The following JAZF1 variants were observed in gnomAD, a reference collection of about 807,000 sequenced individuals.
JAZF1 encodes juxtaposed with another zinc finger protein 1.
Under a neutral mutation model 26.4 loss-of-function variants are expected in JAZF1, and 8 were observed. The ratio of observed to expected loss-of-function variants is 0.30; its 90% CI spans 0.18 to 0.55. The LOEUF is 0.55. Among genes scored for constraint, JAZF1 ranks in the 20% least tolerant of loss-of-function variants. The pLI is 0.94. For synonymous variants in JAZF1, 126 were observed against 122.3 expected (o/e 1.03, Z -0.20); for missense variants, 199 against 322.0 (o/e 0.62, Z 2.92).
chr7:28,054,713 T>C (rs1783670456), intron 1 of JAZF1, among the ~76,000 whole-genome samples: 1 of 152,058 alleles, frequency 6.6e-6, no homozygotes, highest in South Asian at 2.1e-4. Context: ...TGTATCCCAC[T>C]TAAAAAGTTA....
At chr7:28,123,284 C>T (rs1463205545) in intron 1 of JAZF1, among the ~76,000 whole-genome samples, 2 of 151,914 alleles carry the variant, frequency 1.3e-5, no homozygotes, top group East Asian at 3.8e-4. Flanking sequence ...AAGTAAGTCT[C>T]ATCTTCTTCA....
chr7:28,057,931 G>GT (rs1583535780), intron 1 of JAZF1, among the ~76,000 whole-genome samples: 2 of 152,228 alleles, frequency 1.3e-5, no homozygotes, highest in East Asian at 3.9e-4. Flanking sequence ...ATGTAAAAAA[G>GT]TTTTTTCCAC....
intron 1 of JAZF1, among the ~76,000 whole-genome samples, chr7:28,088,506 G>A (rs1784243280): frequency 1.3e-5 from 2 of 152,306 alleles, no homozygotes; most frequent in African/African-American, 2.4e-5. Flanking sequence ...CTAATTACAT[G>A]AGAAAACCTC....
chr7:27,870,407 C>T (rs1050716373), intron 3 of JAZF1, among the ~76,000 whole-genome samples: 1 of 152,114 alleles, frequency 6.6e-6, no homozygotes, highest in African/African-American at 2.4e-5. Flanking sequence ...CTTTAAGTTC[C>T]AAGTGGGCTG....
chr7:28,075,171 C>T (rs560541327), intron 1 of JAZF1, among the ~76,000 whole-genome samples: 5 of 152,258 alleles, frequency 3.3e-5, no homozygotes, highest in Admixed American at 2.6e-4. Flanking sequence ...TGTGCATCCT[C>T]GGGTATAAAG....
At chr7:28,116,168 A>T (rs1409995104) in intron 1 of JAZF1, among the ~76,000 whole-genome samples, 1 of 152,220 alleles carries the variant, frequency 6.6e-6, no homozygotes, top group African/African-American at 2.4e-5. Context: ...TAATTGCCAA[A>T]GCCAGACTGC....
intron 1 of JAZF1, among the ~76,000 whole-genome samples, chr7:28,076,391 C>T (rs1231192340): frequency 6.6e-6 from 1 of 152,120 alleles, no homozygotes; most frequent in Non-Finnish European, 1.5e-5. Context: ...AATTTAAAAA[C>T]ATATACCACC....
At chr7:28,087,384 G>A (rs1359444466) in intron 1 of JAZF1, among the ~76,000 whole-genome samples, 1 of 151,944 alleles carries the variant, frequency 6.6e-6, no homozygotes, top group African/African-American at 2.4e-5. Flanking sequence ...GCCTCTGAAT[G>A]AGAACAGTCC....
intron 1 of JAZF1, among the ~76,000 whole-genome samples, chr7:28,156,362 G>C (rs1232569754): frequency 6.6e-6 from 1 of 152,190 alleles, no homozygotes; most frequent in Non-Finnish European, 1.5e-5. Context: ...TCGTGGCTTT[G>C]GCAGAGTCTG....
At chr7:28,141,188 C>T (rs548771571) in intron 1 of JAZF1, among the ~76,000 whole-genome samples, 4 of 61,734 alleles carry the variant, frequency 6.5e-5, no homozygotes, top group African/African-American at 3.2e-4. Flanking sequence ...TCGAGACAGA[C>T]ACAACTCAGA....
intron 3 of JAZF1, among the ~76,000 whole-genome samples, chr7:27,868,531 T>A (rs1438844772): frequency 6.6e-6 from 1 of 152,214 alleles, no homozygotes; most frequent in African/African-American, 2.4e-5. Flanking sequence ...GCTCCCCAGC[T>A]GCCCTGCCCC....
chr7:27,995,988 C>T (rs182010773), intron 1 of JAZF1, among the ~76,000 whole-genome samples: 1 of 152,266 alleles, frequency 6.6e-6, no homozygotes, highest in Admixed American at 6.5e-5. Context: ...CACAGACCAC[C>T]TTATTGTCTC....
At chr7:28,066,461 G>A (rs1003736686) in intron 1 of JAZF1, among the ~76,000 whole-genome samples, 1 of 152,052 alleles carries the variant, frequency 6.6e-6, no homozygotes, top group East Asian at 1.9e-4. Flanking sequence ...AAATTAGCCA[G>A]GTATGGTGGC....
intron 2 of JAZF1, among the ~76,000 whole-genome samples, chr7:27,951,986 A>C (rs1018796972): frequency 6.6e-6 from 1 of 152,168 alleles, no homozygotes; most frequent in African/African-American, 2.4e-5. Context: ...TGAGGAACTG[A>C]GCCAACGCAG....
At chr7:28,177,556 A>T (rs1454472706) in intron 1 of JAZF1, among the ~76,000 whole-genome samples, 1 of 152,234 alleles carries the variant, frequency 6.6e-6, no homozygotes, top group Non-Finnish European at 1.5e-5. Context: ...GTAATAACCC[A>T]GATAGGCCCC....
chr7:28,020,532 T>C (rs1281234227), intron 1 of JAZF1: 1 of 470,872 alleles, frequency 2.1e-6, no homozygotes, highest in African/African-American at 2.0e-5. Context: ...ATCTTGTGGT[T>C]ACAAGTGTCA....
intron 1 of JAZF1, among the ~76,000 whole-genome samples, chr7:28,135,020 G>C (rs1782858263): frequency 6.6e-6 from 1 of 152,164 alleles, no homozygotes; most frequent in Non-Finnish European, 1.5e-5. Context: ...CTCAAACTAT[G>C]ACCTATCCTG....
intron 1 of JAZF1, among the ~76,000 whole-genome samples, chr7:28,044,617 A>C (rs1422559027): frequency 6.6e-6 from 1 of 152,176 alleles, no homozygotes; most frequent in African/African-American, 2.4e-5. Flanking sequence ...TATTCTTCTA[A>C]GGAAAAAAAA....
intron 1 of JAZF1, among the ~76,000 whole-genome samples, chr7:28,019,946 A>T (rs1415781898): frequency 6.6e-6 from 1 of 152,118 alleles, no homozygotes; most frequent in Non-Finnish European, 1.5e-5. Flanking sequence ...ATCTTTCTTC[A>T]TCAGAATAAT....
Sources: gnomAD v4.1 joint callset for allele counts (sites outside exome capture counted in the v4.1 genomes callset) on GRCh38, gnomAD v4.1.1 for gene constraint, MANE v1.5 for transcripts, NCBI Gene and HGNC (gene_info 2026-07-23, HGNC 2026-07-21) for gene names.